Variants in MYO10 observed in about 807,000 individuals in gnomAD.
The protein encoded by MYO10 is myosin X, also known as unconventional myosin-X.
MYO10 carries 133 observed loss-of-function variants against 257.3 expected under a neutral mutation model. The ratio of observed to expected loss-of-function variants is 0.52; its 90% CI spans 0.45 to 0.60. The LOEUF (loss-of-function observed/expected upper bound fraction) is 0.60. Among genes scored for constraint, MYO10 ranks in the 20% least tolerant of loss-of-function variants. MYO10 has a pLI of 0.00. For missense variants in MYO10, 2,399 were observed against 2,635.7 expected, an observed-to-expected ratio of 0.91 and a Z score of 1.97; for synonymous variants, 1,104 against 1,028.6, an observed-to-expected ratio of 1.07 and a Z score of -1.40.
At chr5:16,841,991 G>A (rs1743495201) in intron 2 of MYO10, among the ~76,000 whole-genome samples, 1 of 124,848 alleles carries the variant, frequency 8.0e-6, no homozygotes, top group African/African-American at 3.0e-5. Flanking sequence ...TAGAAGGCAT[G>A]ACACTTGACT....
chr5:16,735,254 A>G (rs890799668), intron 19 of MYO10, among the ~76,000 whole-genome samples: 21 of 152,150 alleles, frequency 1.4e-4, no homozygotes, highest in Non-Finnish European at 3.1e-4. Flanking sequence ...GGAAAACCTT[A>G]TGCTGTTAGC....
chr5:16,889,432 A>AGGAAGGAAAG lies in MYO10; in HGVS notation c.22-11735_22-11726dup, dbSNP rs538888210. ...AAAGACAGAAAGACTGACAGAAAGA[A>AGGAAGGAAAG]GGAAGGAAAGGAAAGGAAAGAAGGA... On this transcript the variant is annotated intron_variant, in intron 1 of 40. Transcript: ENST00000513610. Among the ~76,000 whole-genome samples the AGGAAGGAAAG allele has an allele frequency of 2.6e-3, 391 of 151,176 alleles. 3 individuals are homozygous for AGGAAGGAAAG. The highest frequency in any genetic ancestry group is 9.4e-3 in the African/African-American group (383 of 40,962).
chr5:16,773,911 C>A (rs1256637874), intron 9 of MYO10, among the ~76,000 whole-genome samples: 2 of 152,152 alleles, frequency 1.3e-5, no homozygotes, highest in Non-Finnish European at 2.9e-5. Context: ...TAAGCGGCAA[C>A]TGCATTAATC....
chr5:16,788,532 G>A (rs894451196), intron 4 of MYO10, among the ~76,000 whole-genome samples: 2 of 152,132 alleles, frequency 1.3e-5, no homozygotes, highest in African/African-American at 4.8e-5. Context: ...GGAGGGACAA[G>A]TTTCTGGGAG....
At chr5:16,912,027 T>C (rs194135) in intron 1 of MYO10, among the ~76,000 whole-genome samples, 113,499 of 151,730 alleles carry the variant, frequency 0.75, 42,773 homozygotes, top group African/African-American at 0.81. Flanking sequence ...AAGAACGAAA[T>C]TCCGTCTCCA....
At chr5:16,890,086 G>T (rs1379616072) in intron 1 of MYO10, among the ~76,000 whole-genome samples, 1 of 151,834 alleles carries the variant, frequency 6.6e-6, no homozygotes, top group Non-Finnish European at 1.5e-5. Flanking sequence ...ACTTAAAACA[G>T]CCATTTGTCA....
chr5:16,794,648 G>A lies in MYO10; in HGVS notation c.465C>T (p.Ile155=). 1 of 1,608,114 alleles carries A rather than the reference G, an allele frequency of 6.2e-7. No homozygotes were observed. Among genetic ancestry groups the A allele is most frequent in the Non-Finnish European group, 8.5e-7 (1 of 1,177,116 alleles). The stretch of plus-strand genomic sequence containing the variant: ...CGACTGGCTGTGAGCCCCGTTACCT[G>A]ATGAGGATGCACTGGTTGTCGTGGC... ...WKRHDNQCIL[I]SGESGAGKTE... Residue 155 remains isoleucine (I), a splice_region_variant and synonymous_variant, in exon 4 of 41, where the codon ATC becomes ATT. Coordinates refer to ENST00000513610, the MANE Select transcript of MYO10 (RefSeq NM_012334.3).
intron 27 of MYO10, among the ~76,000 whole-genome samples, chr5:16,693,800 T>C (rs1041021392): frequency 1.3e-5 from 2 of 152,146 alleles, no homozygotes; most frequent in Non-Finnish European, 1.5e-5. Context: ...ACAAAAATAA[T>C]AGGCCCTCAA....
chr5:16,747,001 T>C (rs1339357197), intron 19 of MYO10, among the ~76,000 whole-genome samples: 1 of 152,196 alleles, frequency 6.6e-6, no homozygotes, highest in Non-Finnish European at 1.5e-5. Context: ...TGCCCAATTG[T>C]GGCAGATAAC....
intron 1 of MYO10, chr5:16,916,089 A>G (rs1386241686): frequency 2.2e-6 from 1 of 456,242 alleles, no homozygotes. Flanking sequence ...GTTAAGCCTC[A>G]GCCTTGGTAA....
rs936114908 is a variant in MYO10 at position 16,663,088 on chromosome 5, A to G, written c.*3604T>C. 9.8e-5 allele frequency: 15 copies of G among 152,344 alleles called. No individual in the cohort carries two copies. The highest frequency in any genetic ancestry group is 3.6e-4 in the African/African-American group (15 of 41,572). The allele number at this position is 152,344 out of a possible 1,614,324, so 9.4% of individuals were successfully genotyped here. A position where few individuals can be genotyped will look rare whatever the true frequency, so the allele number is the denominator to read the frequency against. ...ATCAAAAAGAATAAGGCAATTCTATAGGTATTAATGTAGGATTAGAGCTAA... is the reference window on the plus strand; with the variant it reads ...ATCAAAAAGAATAAGGCAATTCTATGGGTATTAATGTAGGATTAGAGCTAA... On this transcript the variant is annotated 3_prime_UTR_variant, in exon 41 of 41. Coordinates refer to ENST00000513610, the MANE Select transcript of MYO10 (RefSeq NM_012334.3).
chr5:16,753,055 C>A (rs184938964), intron 19 of MYO10, among the ~76,000 whole-genome samples: 3 of 152,340 alleles, frequency 2.0e-5, no homozygotes, highest in African/African-American at 7.2e-5. Flanking sequence ...ACCATCATAT[C>A]TCACAGTAAG....
rs779458706 is a variant in MYO10, at chr5:16,681,486, C to A, written c.4207G>T (p.Val1403Leu). 1 of 1,603,168 alleles carries A rather than the reference C, an allele frequency of 6.2e-7. No homozygotes were observed. Among genetic ancestry groups the A allele is most frequent in the East Asian group, 2.2e-5 (1 of 44,844 alleles). ...GAAGACATCTTTGGACTGTTCTTCACCTCTTTGTGCAACCATCCTGGAAAA... is the reference window on the plus strand; with the variant it reads ...GAAGACATCTTTGGACTGTTCTTCAACTCTTTGTGCAACCATCCTGGAAAA... ...FIVRGWLHKE[V>L]KNSPKMSSLK... Residue 1403 changes from valine to leucine, a missense_variant, in exon 32 of 41, where the codon GTG becomes TTG. Around this residue, in one of 3 missense-constraint regions of MYO10, gnomAD observed 1,820 missense variants for 1,939.4 expected, o/e 0.94. Coordinates refer to ENST00000513610, the MANE Select transcript of MYO10 (RefSeq NM_012334.3).
At chr5:16,784,569 G>A (rs904440183) in intron 4 of MYO10, among the ~76,000 whole-genome samples, 2 of 152,198 alleles carry the variant, frequency 1.3e-5, no homozygotes, top group African/African-American at 4.8e-5. Flanking sequence ...GTGTTGTGCA[G>A]AGAACAGAAG....
At chr5:16,694,307 C>A in intron 27 of MYO10, 64 bp downstream of exon 27, 1 of 1,603,798 alleles carries the variant, frequency 6.2e-7, no homozygotes. Context: ...CACAGCATGG[C>A]TCTATGACCA....
chr5:16,704,458 G>T lies in MYO10; in HGVS notation c.2276+121C>A, dbSNP rs193278252. On this transcript the variant is annotated intron_variant, in intron 22 of 40. Coordinates refer to ENST00000513610, the MANE Select transcript of MYO10 (RefSeq NM_012334.3). ...CTAGGTTTCGGGAGTGGCTGCTTAG[G>T]AGGCCTGACCTGAGGCTCCCCTCAA... The T allele has an allele frequency of 2.0e-5, 15 of 760,996 alleles. 1 individual carries two copies. In the East Asian group the frequency reaches 4.1e-4, roughly 21 times the overall value. 47.1% of individuals were successfully genotyped at this position (760,996 alleles called of 1,614,324 possible).
intron 1 of MYO10, among the ~76,000 whole-genome samples, chr5:16,890,952 G>C (rs1002556973): frequency 6.6e-6 from 1 of 151,716 alleles, no homozygotes; most frequent in African/African-American, 2.4e-5. Context: ...ACCACATGTT[G>C]TATGACTCCA....
intron 19 of MYO10, among the ~76,000 whole-genome samples, chr5:16,746,161 T>C (rs9312925): frequency 0.15 from 22,692 of 152,192 alleles, 2,053 homozygotes; most frequent in African/African-American, 0.23. Flanking sequence ...TTAGACGATA[T>C]AGGGTAACTT....
At chr5:16,685,908 C>T (rs1737234050) in intron 28 of MYO10, 77 bp from the exon 29 acceptor site, 2 of 1,135,536 alleles carry the variant, frequency 1.8e-6, no homozygotes, top group Non-Finnish European at 2.6e-6. Context: ...ACTGCACGTG[C>T]TCTGTGAAAA....
Sources: allele counts gnomAD v4.1 joint callset (sites outside exome capture counted in the v4.1 genomes callset), GRCh38; gene constraint gnomAD v4.1.1; regional missense constraint gnomAD v4.1.1; transcripts MANE v1.5; gene names NCBI Gene and HGNC (gene_info 2026-07-23, HGNC 2026-07-21).